Variants in FOXP1 observed in about 807,000 individuals in gnomAD.
The protein encoded by FOXP1 is forkhead box protein P1.
FOXP1 carries 15 observed loss-of-function variants against 98.2 expected under a neutral mutation model. The ratio of observed to expected loss-of-function variants is 0.15; its 90% CI spans 0.10 to 0.24. The LOEUF is 0.24. Ranked by LOEUF, FOXP1 falls within the 10% of genes least tolerant of loss-of-function variation. The pLI, the probability that FOXP1 is intolerant of heterozygous loss-of-function variation, is 1.00. For synonymous variants in FOXP1, 371 were observed against 314.5 expected (o/e 1.18, Z -1.90); for missense variants, 633 against 848.5 (o/e 0.75, Z 3.15).
chr3:71,048,114 AAACT>A (rs2049288542), intron 9 of FOXP1, among the ~76,000 whole-genome samples: 1 of 152,106 alleles, frequency 6.6e-6, no homozygotes, highest in Non-Finnish European at 1.5e-5. Flanking sequence ...TATAAAAGGA[AAACT>A]AACCCTTCCC....
intron 2 of FOXP1, among the ~76,000 whole-genome samples, chr3:71,512,677 C>A (rs971144654): frequency 6.6e-6 from 1 of 152,308 alleles, no homozygotes; most frequent in African/African-American, 2.4e-5. Context: ...CCACTTCATA[C>A]AACAGCTGGT....
At chr3:71,227,093 C>T (rs1433492931) in intron 5 of FOXP1, among the ~76,000 whole-genome samples, 1 of 152,112 alleles carries the variant, frequency 6.6e-6, no homozygotes, top group Non-Finnish European at 1.5e-5. Flanking sequence ...TTCTCACACT[C>T]TTAGTCATCC....
intron 7 of FOXP1, among the ~76,000 whole-genome samples, chr3:71,092,962 C>G (rs1203170751): frequency 6.6e-6 from 1 of 152,142 alleles, no homozygotes; most frequent in African/African-American, 2.4e-5. Context: ...TTACCAAATG[C>G]TTTAAAAGGC....
intron 2 of FOXP1, among the ~76,000 whole-genome samples, chr3:71,551,948 C>T (rs2045812760): frequency 6.6e-6 from 1 of 152,154 alleles, no homozygotes; most frequent in South Asian, 2.1e-4. Flanking sequence ...TGTTGAAATA[C>T]TCAGCATTTA....
In FOXP1 at chr3:71,284,335, C is replaced by T. The variant is rs1428585669; in HGVS notation, c.-12+15485G>A. 3.3e-5 allele frequency among the ~76,000 whole-genome samples: 5 copies of T among 152,110 alleles called. No homozygotes were observed. In the South Asian group the frequency reaches 6.2e-4, roughly 19 times the overall value. The stretch of plus-strand genomic sequence containing the variant: ...ATCCCAGCACTTTGCGAGGCCAAGA[C>T]GGGCAGATCACTTGAGCCCAAGAGT... On this transcript the variant is annotated intron_variant, in intron 5 of 20. Coordinates refer to ENST00000649528, the MANE Select transcript of FOXP1 (RefSeq NM_001349338.3).
At chr3:71,297,178 G>A (rs992187959) in intron 5 of FOXP1, among the ~76,000 whole-genome samples, 2 of 152,160 alleles carry the variant, frequency 1.3e-5, no homozygotes, top group African/African-American at 4.8e-5. Context: ...TTATGATCAA[G>A]TAATTTTACA....
At chr3:71,411,122 A>G (rs1377618951) in intron 3 of FOXP1, among the ~76,000 whole-genome samples, 1 of 152,212 alleles carries the variant, frequency 6.6e-6, no homozygotes, top group East Asian at 1.9e-4. Flanking sequence ...CATATATGAA[A>G]TATACACGCT....
At chr3:71,403,109 C>A (rs780433712) in intron 3 of FOXP1, among the ~76,000 whole-genome samples, 1 of 152,170 alleles carries the variant, frequency 6.6e-6, no homozygotes, top group Non-Finnish European at 1.5e-5. Context: ...TTTGTTTTTT[C>A]TTTCTGGTAG....
At position 71,566,554 on chromosome 3, in the gene FOXP1, G is replaced by A. The variant is rs112811156; in HGVS notation, c.-298+14995C>T. 1.2e-3 allele frequency among the ~76,000 whole-genome samples: 187 copies of A among 152,268 alleles called. 1 individual carries two copies. Among genetic ancestry groups the A allele is most frequent in the African/African-American group, 3.8e-3 (159 of 41,544 alleles). On this transcript the variant is annotated intron_variant, in intron 2 of 20. Coordinates refer to ENST00000649528, the MANE Select transcript of FOXP1 (RefSeq NM_001349338.3). Reference sequence around the variant, plus strand: ...GGTTGTTGTGAAAAGGCAATCCAACGGGCAATTTGGAAAATAGATAGGAAT... The same window carrying A: ...GGTTGTTGTGAAAAGGCAATCCAACAGGCAATTTGGAAAATAGATAGGAAT...
intron 4 of FOXP1, among the ~76,000 whole-genome samples, chr3:71,310,808 T>C (rs1044777487): frequency 6.6e-6 from 1 of 152,188 alleles, no homozygotes; most frequent in African/African-American, 2.4e-5. Context: ...TGGCCACCAG[T>C]TGGCAGACAC....
intron 2 of FOXP1, among the ~76,000 whole-genome samples, chr3:71,519,296 C>A (rs1251223168): frequency 6.6e-6 from 1 of 152,134 alleles, no homozygotes. Flanking sequence ...CAGGCAATTG[C>A]GTGAGCTGCC....
intron 3 of FOXP1, among the ~76,000 whole-genome samples, chr3:71,421,869 C>T (rs543992763): frequency 6.6e-6 from 1 of 152,338 alleles, no homozygotes; most frequent in African/African-American, 2.4e-5. Context: ...AGCCTCCCAG[C>T]TGCCTCTGAA....
At chr3:71,378,514 G>C (rs1014786523) in intron 3 of FOXP1, among the ~76,000 whole-genome samples, 1 of 151,948 alleles carries the variant, frequency 6.6e-6, no homozygotes. Flanking sequence ...CTTTGTCCAG[G>C]GTCTCCATGC....
intron 19 of FOXP1, among the ~76,000 whole-genome samples, chr3:70,967,368 C>A (rs967432236): frequency 6.6e-6 from 1 of 152,190 alleles, no homozygotes. Flanking sequence ...TGCACACTCA[C>A]CAAACACAGC....
At chr3:71,029,097 G>T (rs1170161095) in intron 11 of FOXP1, among the ~76,000 whole-genome samples, 2 of 152,148 alleles carry the variant, frequency 1.3e-5, no homozygotes, top group African/African-American at 2.4e-5. Flanking sequence ...TGGGGTTTGG[G>T]GACCCCTGTC....
At chr3:71,485,683 C>G (rs1004809465) in intron 3 of FOXP1, among the ~76,000 whole-genome samples, 2 of 151,626 alleles carry the variant, frequency 1.3e-5, no homozygotes, top group Non-Finnish European at 2.9e-5. Flanking sequence ...GCAGGAGAAT[C>G]GCTTGAACCT....
At chr3:71,358,428 A>G (rs1183987250) in intron 4 of FOXP1, among the ~76,000 whole-genome samples, 1 of 152,236 alleles carries the variant, frequency 6.6e-6, no homozygotes, top group Non-Finnish European at 1.5e-5. Flanking sequence ...GTGATTAAAA[A>G]GGTGAAGAAG....
rs577569861 is a variant in FOXP1 at position 70,957,673 on chromosome 3, T to A, written c.*1574A>T. The A allele has an allele frequency of 3.4e-5, 8 of 233,434 alleles. No homozygotes were observed. The highest frequency in any genetic ancestry group is 1.5e-4 in the African/African-American group (7 of 45,448). 14.5% of individuals were successfully genotyped at this position (233,434 alleles called of 1,614,324 possible). ...TAAGGACTGAGGTTGTACTGACCTG[T>A]AACCATCACATTTCTGCATACCATG... On this transcript the variant is annotated 3_prime_UTR_variant, in exon 21 of 21. Coordinates refer to ENST00000649528, the MANE Select transcript of FOXP1 (RefSeq NM_001349338.3).
chr3:71,253,038 C>T (rs1041447887), intron 5 of FOXP1, among the ~76,000 whole-genome samples: 1 of 152,152 alleles, frequency 6.6e-6, no homozygotes, highest in Admixed American at 6.5e-5. Flanking sequence ...GCAAGGGTGT[C>T]GCTTCATGGC....
Sources: gnomAD v4.1 joint callset for allele counts (sites outside exome capture counted in the v4.1 genomes callset) on GRCh38, gnomAD v4.1.1 for gene constraint, MANE v1.5 for transcripts, NCBI Gene and HGNC (gene_info 2026-07-23, HGNC 2026-07-21) for gene names.